NFKBID: variants seen among roughly 807,000 people sequenced by gnomAD.
NFKBID encodes NF-kappa-B inhibitor delta.
Under a neutral mutation model 53.4 loss-of-function variants are expected in NFKBID, and 26 were observed. That is an observed-to-expected ratio of 0.49 (90% CI 0.36 to 0.68). The LOEUF is 0.68. Ranked by LOEUF, NFKBID falls within the 30% of genes least tolerant of loss-of-function variation. The pLI, the probability that NFKBID is intolerant of heterozygous loss-of-function variation, is 0.00. For missense variants in NFKBID, 493 were observed against 614.1 expected (o/e 0.80, Z 2.08); for synonymous variants, 262 against 259.8 (o/e 1.01, Z -0.08).
chr19:35,896,501 A>G lies in NFKBID; in HGVS notation c.722T>C (p.Leu241Pro). Reference sequence around the variant, plus strand: ...CAGGTTCAACAGATCCTCCACAATCAGGGGCTGGTTGGCAGCAGCCGCCAC... The same window carrying G: ...CAGGTTCAACAGATCCTCCACAATCGGGGGCTGGTTGGCAGCAGCCGCCAC... The change falls in exon 7 of 12, where the codon CTG (leucine) becomes CCG (proline). Residue 241 changes from leucine (L) to proline (P), a missense_variant. Coordinates refer to ENST00000641389, the Ensembl canonical transcript of NFKBID. This position sits in a 1 kb window ranked among gnomAD's most constrained non-coding sequence, Gnocchi z 5.7. 1 of 1,614,080 alleles carries G rather than the reference A, an allele frequency of 6.2e-7. No homozygotes were observed. The highest frequency in any genetic ancestry group is 1.1e-5 in the South Asian group (1 of 91,086).
In NFKBID at chr19:35,896,662, A is replaced by G. The variant is rs1245283540; in HGVS notation, c.684+64T>C. 3 of 1,489,780 alleles carry G rather than the reference A, an allele frequency of 2.0e-6. No individual in the cohort carries two copies. In the Admixed American group the frequency reaches 5.6e-5, roughly 28 times the overall value. The allele number at this position is 1,489,780 out of a possible 1,614,324, so 92.3% of individuals were successfully genotyped here. The stretch of plus-strand genomic sequence containing the variant: ...CCCATTCCCCTCTTCTCTAGGATCC[A>G]GGGGTCCAGGCCCCAGGCTCCTTCC... On this transcript the variant is annotated intron_variant, in intron 6 of 11. Transcript: ENST00000641389. This position sits in a 1 kb window ranked among gnomAD's most constrained non-coding sequence, Gnocchi z 5.7.
intron 4 of NFKBID, 34 bp downstream of exon 4, chr19:35,897,617 C>T (rs1219057968): frequency 2.8e-6 from 3 of 1,081,116 alleles, no homozygotes; most frequent in Non-Finnish European, 1.4e-6. Flanking sequence ...TTTTTAGGGG[C>T]CCTTCAGCAT....
chr19:35,894,476 G>C (rs1456930014), intron 9 of NFKBID, among the ~76,000 whole-genome samples: 1 of 152,038 alleles, frequency 6.6e-6, no homozygotes. Flanking sequence ...AGAGGCAGAG[G>C]TGGAAGGATT....
At chr19:35,888,783 C>A (rs539088680) in intron 11 of NFKBID, among the ~76,000 whole-genome samples, 171 bp from the exon 12 acceptor site, 8 of 152,236 alleles carry the variant, frequency 5.3e-5, no homozygotes, top group African/African-American at 1.9e-4. Context: ...CAGTGGCTCA[C>A]GCCTGTAATC....
rs73928355 is a variant in NFKBID at position 35,898,677 on chromosome 19, A to G, written c.165+42T>C. On this transcript the variant is annotated intron_variant, in intron 2 of 11. Coordinates refer to ENST00000641389, the Ensembl canonical transcript of NFKBID. ...CGGCAAGCCGCTGAGTCCCTACGGG[A>G]CAGCACGGGGCCTCCGGAGAGCTGT... 16,444 of 1,513,742 alleles carry G rather than the reference A, an allele frequency of 0.011. 1,453 individuals carry two copies. The African/African-American group carries it at 0.2, about 18-fold the overall frequency. The allele number at this position is 1,513,742 out of a possible 1,614,324, so 93.8% of individuals were successfully genotyped here.
exon 4 of NFKBID, chr19:35,897,776 T>G (rs1975286250): frequency 6.2e-7 from 1 of 1,608,004 alleles, no homozygotes; most frequent in Non-Finnish European, 8.5e-7. Flanking sequence ...GCAGCATGCG[T>G]GTTGGGGTCC....
At chr19:35,898,417 T>G (rs1035703291) in intron 3 of NFKBID, 55 bp downstream of exon 3, 1 of 1,132,640 alleles carries the variant, frequency 8.8e-7, no homozygotes, top group Non-Finnish European at 1.3e-6. Flanking sequence ...AGAGCTGCGA[T>G]GTCTGAGTCC....
At position 35,896,764 on chromosome 19, in the gene NFKBID, C is replaced by T; in HGVS notation, c.646G>A (p.Val216Met). The change falls in exon 6 of 12, where the codon GTG (valine) becomes ATG (methionine). Residue 216 changes from valine (V) to methionine (M), a missense_variant. Around this residue, in one of 2 missense-constraint regions of NFKBID, gnomAD observed 267 missense variants for 384.6 expected, o/e 0.69. Transcript: ENST00000641389. The surrounding 1 kb of genome is among the most constrained non-coding windows in gnomAD (Gnocchi z 5.7). ...TCACGAATGTCAAGACGCCGGTACACCTGGAGCACCTCAGCCGCAGCATAT... is the reference window on the plus strand; with the variant it reads ...TCACGAATGTCAAGACGCCGGTACATCTGGAGCACCTCAGCCGCAGCATAT... 6.2e-7 allele frequency: 1 copy of T among 1,613,996 alleles called. No homozygotes were observed. Among genetic ancestry groups the T allele is most frequent in the Non-Finnish European group, 8.5e-7 (1 of 1,179,890 alleles).
At chr19:35,899,138 A>C (rs1457681068) in intron 1 of NFKBID, among the ~76,000 whole-genome samples, 1 of 152,122 alleles carries the variant, frequency 6.6e-6, no homozygotes, top group Non-Finnish European at 1.5e-5. Context: ...TTCCACCCCC[A>C]GATATCCAAG....
chr19:35,897,726 G>C lies in NFKBID; in HGVS notation c.357C>G (p.Ala119=), dbSNP rs547326354. ...AGAAGTCAGGAGGCAGGAAATTTTC[G>C]GCAGCAGAAGCAGGGCAAGAGTAGG... Residue 119 remains alanine (A), a synonymous_variant, in exon 4 of 12, where the codon GCC becomes GCG. Coordinates refer to ENST00000641389, the Ensembl canonical transcript of NFKBID. The C allele has an allele frequency of 1.1e-5, 18 of 1,612,578 alleles. No individual in the cohort carries two copies. The African/African-American group carries it at 2.3e-4, about 20-fold the overall frequency.
intron 10 of NFKBID, 49 bp downstream of exon 10, chr19:35,890,325 C>G: frequency 7.7e-7 from 1 of 1,306,770 alleles, no homozygotes; most frequent in Non-Finnish European, 1.1e-6. Flanking sequence ...TCCCACTGCC[C>G]CCCCTACCGT....
rs1272893467 is a variant in NFKBID, at chr19:35,896,897, T to C, written c.578+16A>G. The stretch of plus-strand genomic sequence containing the variant: ...CAAGCCAAGAGTCTGCAGACAACCC[T>C]ATCCCTTATACTCACGTGTCCCCCT... On this transcript the variant is annotated intron_variant, in intron 5 of 11. Transcript: ENST00000641389. This position sits in a 1 kb window ranked among gnomAD's most constrained non-coding sequence, Gnocchi z 5.7. 1.2e-6 allele frequency: 2 copies of C among 1,612,968 alleles called. No homozygotes were observed. The highest frequency in any genetic ancestry group is 1.7e-6 in the Non-Finnish European group (2 of 1,179,220).
At chr19:35,897,470 C>T (rs1054902585) in intron 4 of NFKBID, 181 bp downstream of exon 4, 16 of 644,662 alleles carry the variant, frequency 2.5e-5, no homozygotes, top group Middle Eastern at 4.4e-4. Context: ...TCTCAAACGC[C>T]TGACCTCAAG....
rs907335119 is a variant in NFKBID at position 35,897,194 on chromosome 19, G to A, written c.433-136C>T. On this transcript the variant is annotated intron_variant, in intron 4 of 11. Transcript: ENST00000641389. ...ACACATCTGCATGCAGAGCCCCTGG[G>A]TATCCCATCTATGCCAAGTGACCTT... 4 of 899,758 alleles carry A rather than the reference G, an allele frequency of 4.4e-6. No homozygotes were observed. In the South Asian group the frequency reaches 5.5e-5, roughly 12 times the overall value. The allele number at this position is 899,758 out of a possible 1,614,324, so 55.7% of individuals were successfully genotyped here. A position where few individuals can be genotyped will look rare whatever the true frequency, so the allele number is the denominator to read the frequency against.
Position 35,889,916 on chromosome 19 carries a change from G to A in NFKBID, c.1288C>T (p.Leu430=). The A allele has an allele frequency of 2.5e-6, 4 of 1,610,608 alleles. 1 individual carries two copies. In the South Asian group the frequency reaches 3.3e-5, roughly 13 times the overall value. The change falls in exon 11 of 12, where the codon CTG becomes TTG. Residue 430 remains leucine, a synonymous_variant. Coordinates refer to ENST00000641389, the Ensembl canonical transcript of NFKBID. ...CCCTCAGGGCCCGGCCCGGGCCGCA[G>A]CAGGTGAACGGGCTGCTCATTCTCC...
In NFKBID at chr19:35,896,677, A is replaced by C; in HGVS notation, c.684+49T>G. 1 of 1,501,536 alleles carries C rather than the reference A, an allele frequency of 6.7e-7. No homozygotes were observed. The allele number at this position is 1,501,536 out of a possible 1,614,324, so 93.0% of individuals were successfully genotyped here. On this transcript the variant is annotated intron_variant, in intron 6 of 11. Coordinates refer to ENST00000641389, the Ensembl canonical transcript of NFKBID. This position sits in a 1 kb window ranked among gnomAD's most constrained non-coding sequence, Gnocchi z 5.7. ...TCTAGGATCCAGGGGTCCAGGCCCC[A>C]GGCTCCTTCCTCCCCTGAACCCAGG...
In NFKBID at chr19:35,898,501, AG is replaced by A; in HGVS notation, c.196del (p.Leu66Ter). The A allele has an allele frequency of 6.5e-7, 1 of 1,534,756 alleles. No homozygotes were observed. The highest frequency in any genetic ancestry group is 8.7e-7 in the Non-Finnish European group (1 of 1,146,458). On this transcript the variant is annotated frameshift_variant, in exon 3 of 12. Transcript: ENST00000641389. LOFTEE classifies it high-confidence loss of function. ...CACAGCCTCATTCACAGATGGGGTC[AG>A]GGGCTGCTCTGGGGGAGGGAGAAAT...
chr19:35,893,296 G>T (rs1974904649), intron 9 of NFKBID, among the ~76,000 whole-genome samples: 1 of 152,126 alleles, frequency 6.6e-6, no homozygotes, highest in South Asian at 2.1e-4. Flanking sequence ...CACCTTCTCT[G>T]TATTGCCCAA....
chr19:35,897,701 A>G (rs1239593668), exon 4 of NFKBID: 1 of 1,610,714 alleles, frequency 6.2e-7, no homozygotes, highest in Non-Finnish European at 8.5e-7. Context: ...GAGGGTGGGT[A>G]GAAGTCAGGA....
Sources: allele counts gnomAD v4.1 joint callset (sites outside exome capture counted in the v4.1 genomes callset), GRCh38; gene constraint gnomAD v4.1.1; regional missense constraint gnomAD v4.1.1; non-coding constraint Gnocchi (gnomAD v3.1); transcripts MANE v1.5; gene names NCBI Gene and HGNC (gene_info 2026-07-23, HGNC 2026-07-21).